DNAH5: variants seen among roughly 807,000 people sequenced by gnomAD.
The protein encoded by DNAH5 is axonemal beta dynein heavy chain 5.
Under a neutral mutation model 518.2 loss-of-function variants are expected in DNAH5, and 372 were observed. The observed-to-expected ratio is 0.72, with a 90% CI of 0.66 to 0.78. The LOEUF (loss-of-function observed/expected upper bound fraction) is 0.78. Among genes scored for constraint, DNAH5 ranks in the 30% least tolerant of loss-of-function variants. The pLI is 0.00. For missense variants in DNAH5, 5,523 were observed against 5,687.0 expected (o/e 0.97, Z 0.93); for synonymous variants, 2,039 against 2,025.9 (o/e 1.01, Z -0.17).
intron 32 of DNAH5, among the ~76,000 whole-genome samples, chr5:13,844,546 C>A (rs1448617036): frequency 6.6e-6 from 1 of 152,134 alleles, no homozygotes; most frequent in Non-Finnish European, 1.5e-5. Context: ...GGTTTTTCAT[C>A]TTGTTGGATT....
chr5:13,967,651 T>C (rs1380202308), intron 1 of DNAH5, among the ~76,000 whole-genome samples: 1 of 152,208 alleles, frequency 6.6e-6, no homozygotes, highest in East Asian at 1.9e-4. Context: ...GTTTGTTTTT[T>C]GCTGACTCTT....
At chr5:13,835,829 G>A (rs555518288) in intron 35 of DNAH5, among the ~76,000 whole-genome samples, 72 of 152,060 alleles carry the variant, frequency 4.7e-4, no homozygotes, top group Admixed American at 1.7e-3. Context: ...CCCATGAAAC[G>A]ACTCCATGTG....
chr5:13,820,808 G>A (rs1403534756), intron 40 of DNAH5, among the ~76,000 whole-genome samples: 2 of 116,072 alleles, frequency 1.7e-5, no homozygotes, highest in African/African-American at 6.8e-5. Context: ...CTGGGCAACA[G>A]AGCAATACTC....
chr5:13,709,026 C>T (rs1029348047), intron 75 of DNAH5, among the ~76,000 whole-genome samples: 4 of 152,198 alleles, frequency 2.6e-5, no homozygotes, highest in East Asian at 1.9e-4. Flanking sequence ...ACACGAATGA[C>T]GCCTTTCCTG....
At chr5:13,885,265 TTAGA>T (rs1561504718) in intron 18 of DNAH5, 37 bp from the exon 19 acceptor site, 1 of 1,610,938 alleles carries the variant, frequency 6.2e-7, no homozygotes, top group African/African-American at 1.3e-5. Flanking sequence ...TAGAGATAAG[TTAGA>T]TGGATGGATG....
Position 13,957,454 on chromosome 5 carries a change from CTT to C in DNAH5, c.13-26212_13-26211del, listed in dbSNP as rs1388061152. On this transcript the variant is annotated intron_variant, in intron 1 of 78. Coordinates refer to the DNAH5 transcript ENST00000681290. ...TTAATGAAAGAGAAGCCAGTCTTCTCTTTTTCAATTCTAACCCACAAGAAACT... is the reference window on the plus strand; with the variant it reads ...TTAATGAAAGAGAAGCCAGTCTTCTCTTTCAATTCTAACCCACAAGAAACT... Among the ~76,000 whole-genome samples the C allele has an allele frequency of 3.3e-5, 5 of 152,152 alleles. No homozygotes were observed. In the East Asian group the frequency reaches 7.7e-4, roughly 23 times the overall value.
chr5:13,777,752 C>A (rs1305807165), intron 53 of DNAH5, among the ~76,000 whole-genome samples: 1 of 152,128 alleles, frequency 6.6e-6, no homozygotes, highest in East Asian at 1.9e-4. Flanking sequence ...TAAATAAATG[C>A]AAACTTTGGT....
At chr5:14,002,780 A>G (rs1784450971) in intron 1 of DNAH5, among the ~76,000 whole-genome samples, 1 of 151,960 alleles carries the variant, frequency 6.6e-6, no homozygotes, top group Non-Finnish European at 1.5e-5. Context: ...ACTTTAATTA[A>G]TTTTAGGGTC....
intron 1 of DNAH5, among the ~76,000 whole-genome samples, chr5:13,998,672 A>G (rs1784132704): frequency 6.6e-6 from 1 of 152,240 alleles, no homozygotes; most frequent in Non-Finnish European, 1.5e-5. Flanking sequence ...TCTTATGAGG[A>G]AAGTAACAGT....
chr5:13,699,608 G>T (rs528461837), intron 78 of DNAH5, among the ~76,000 whole-genome samples: 1 of 152,306 alleles, frequency 6.6e-6, no homozygotes, highest in East Asian at 1.9e-4. Context: ...CAGCTACTCA[G>T]GAGGCTGAGG....
chr5:13,768,973 T>C lies in DNAH5; in HGVS notation c.9884A>G (p.Glu3295Gly), dbSNP rs200803030. The change falls in exon 58 of 79, where the codon GAA becomes GGA. Residue 3295 changes from glutamate (E) to glycine (G), a missense_variant. Around this residue, in one of 3 missense-constraint regions of DNAH5, gnomAD observed 5,121 missense variants for 5,223.3 expected, o/e 0.98. Coordinates refer to ENST00000265104, the MANE Select transcript of DNAH5 (RefSeq NM_001369.3). ...EAAKPALEEA[E>G]AALQTIRPSD... ...ACATAGATGCACCTGCAATGCAGCT[T>C]CTGCCTCTTCTAAAGCTGGTTTTGC... The C allele has an allele frequency of 3.7e-6, 6 of 1,614,202 alleles. No homozygotes were observed. In the Admixed American group the frequency reaches 1.0e-4, roughly 27 times the overall value.
chr5:13,762,668 C>G (rs537164976), intron 60 of DNAH5, 54 bp downstream of exon 60: 14 of 1,526,846 alleles, frequency 9.2e-6, no homozygotes, highest in African/African-American at 5.5e-5. Flanking sequence ...TAAGACGGGT[C>G]GACCTGGAGA....
chr5:13,817,752 G>C (rs539627435), intron 41 of DNAH5, 58 bp from the exon 42 acceptor site: 1 of 1,550,426 alleles, frequency 6.4e-7, no homozygotes, highest in Non-Finnish European at 8.9e-7. Context: ...CCATCATTAA[G>C]CAACATTGCA....
Position 13,829,685 on chromosome 5 carries a change from C to T in DNAH5, c.6269G>A (p.Arg2090Gln). The T allele has an allele frequency of 6.2e-7, 1 of 1,614,086 alleles. No individual in the cohort carries two copies. Among genetic ancestry groups the T allele is most frequent in the Non-Finnish European group, 8.5e-7 (1 of 1,179,996 alleles). Residue 2090 changes from arginine to glutamine, a missense_variant, in exon 38 of 79, where the codon CGG (arginine) becomes CAG (glutamine). Arg to Gln is a conservative substitution (Grantham distance 43). Transcript: ENST00000265104. Reference sequence around the variant, plus strand: ...CTTCAAGTTTTCAGGGAGTTCCTGCCGTCCGGCATAGCCAGGATTCTAAAC... The same window carrying T: ...CTTCAAGTTTTCAGGGAGTTCCTGCTGTCCGGCATAGCCAGGATTCTAAAC... The part of the protein sequence containing the change: ...FLTMNPGYAG[R>Q]QELPENLKIN...
rs1228112146 is a variant in DNAH5 at position 13,865,746 on chromosome 5, A to G, written c.4277T>C (p.Val1426Ala). The stretch of plus-strand genomic sequence containing the variant: ...CCAAAGAATATCATAATAGCTATTT[A>G]CAGTTTCTATGACACTGTTGTACAG... ...YTLYNSVIETVNSYYDILWSE... is the reference protein window; with the variant it reads ...YTLYNSVIETANSYYDILWSE... Residue 1426 changes from valine (V) to alanine (A), a missense_variant, in exon 27 of 79, where the codon GTA (valine) becomes GCA (alanine). Physicochemically the swap from Val to Ala is moderately conservative, Grantham distance 64. Coordinates refer to ENST00000265104, the MANE Select transcript of DNAH5 (RefSeq NM_001369.3). 6.2e-7 allele frequency: 1 copy of G among 1,609,866 alleles called. No individual in the cohort carries two copies.
intron 1 of DNAH5, among the ~76,000 whole-genome samples, chr5:13,992,200 A>G (rs988880013): frequency 1.3e-5 from 2 of 152,178 alleles, no homozygotes; most frequent in African/African-American, 2.4e-5. Context: ...GCAAATGCCA[A>G]GTCTTGTTCT....
At chr5:13,875,679 T>C (rs951989674) in intron 22 of DNAH5, among the ~76,000 whole-genome samples, 1 of 152,144 alleles carries the variant, frequency 6.6e-6, no homozygotes, top group Admixed American at 6.6e-5. Context: ...ATGAAATACT[T>C]TGCTTATCAT....
intron 43 of DNAH5, among the ~76,000 whole-genome samples, chr5:13,812,624 A>C (rs989950353): frequency 7.9e-5 from 12 of 152,162 alleles, no homozygotes; most frequent in African/African-American, 2.9e-4. Context: ...TTTTTTTAAC[A>C]GAAAACAAAG....
intron 1 of DNAH5, among the ~76,000 whole-genome samples, chr5:13,957,227 C>G (rs1226579869): frequency 3.3e-5 from 5 of 152,222 alleles, no homozygotes; most frequent in African/African-American, 1.2e-4. Context: ...AGGAGAGACT[C>G]TGGAAACAGC....
Sources: gnomAD v4.1 joint callset for allele counts (sites outside exome capture counted in the v4.1 genomes callset) on GRCh38, gnomAD v4.1.1 for gene constraint, gnomAD v4.1.1 regional missense constraint, MANE v1.5 for transcripts, NCBI Gene and HGNC (gene_info 2026-07-23, HGNC 2026-07-21) for gene names.